Variants in ADK observed in about 807,000 individuals in gnomAD.
ADK encodes N6,N6-dimethyladenosine kinase.
Under a neutral mutation model 44.7 loss-of-function variants are expected in ADK, and 24 were observed. The observed-to-expected ratio is 0.54, with a 90% CI of 0.39 to 0.76. The LOEUF (loss-of-function observed/expected upper bound fraction) is 0.76. Ranked by LOEUF, ADK falls within the 30% of genes least tolerant of loss-of-function variation. The pLI is 0.00. For missense variants in ADK, 321 were observed against 425.1 expected, an observed-to-expected ratio of 0.76 and a Z score of 2.15; for synonymous variants, 128 against 142.6, an observed-to-expected ratio of 0.90 and a Z score of 0.73.
At chr10:74,681,849 CAAAAAAAA>C (rs34381749) in intron 10 of ADK, among the ~76,000 whole-genome samples, 1 of 93,156 alleles carries the variant, frequency 1.1e-5, no homozygotes, top group Non-Finnish European at 2.0e-5. Flanking sequence ...GACTCCATCT[CAAAAAAAA>C]AAAAAAAAAA....
At chr10:74,403,238 T>G (rs1013010711) in intron 6 of ADK, among the ~76,000 whole-genome samples, 3 of 152,062 alleles carry the variant, frequency 2.0e-5, no homozygotes, top group African/African-American at 7.2e-5. Flanking sequence ...ATCTCAAACT[T>G]TGTGCTGGGA....
At chr10:74,200,534 T>C (rs1184880379) in intron 1 of ADK, among the ~76,000 whole-genome samples, 1 of 151,714 alleles carries the variant, frequency 6.6e-6, no homozygotes, top group African/African-American at 2.4e-5. Flanking sequence ...AGATGGTGTC[T>C]CATTGTAGTT....
chr10:74,188,639 A>G (rs1359429126), intron 1 of ADK, among the ~76,000 whole-genome samples: 1 of 151,876 alleles, frequency 6.6e-6, no homozygotes, highest in Non-Finnish European at 1.5e-5. Context: ...GGCATGAGCC[A>G]CTGCGCCCGG....
At chr10:74,251,926 C>T (rs1430340241) in intron 3 of ADK, among the ~76,000 whole-genome samples, 1 of 125,502 alleles carries the variant, frequency 8.0e-6, no homozygotes, top group African/African-American at 3.1e-5. Flanking sequence ...TGTCGACTCA[C>T]CTCTTTACCG....
chr10:74,349,191 G>T (rs1431023907), intron 4 of ADK, among the ~76,000 whole-genome samples: 1 of 152,176 alleles, frequency 6.6e-6, no homozygotes, highest in East Asian at 1.9e-4. Context: ...ACAAAAGGAA[G>T]CCCATCAGAC....
intron 3 of ADK, among the ~76,000 whole-genome samples, chr10:74,303,883 C>T (rs907332718): frequency 6.6e-6 from 1 of 151,000 alleles, no homozygotes; most frequent in Non-Finnish European, 1.5e-5. Flanking sequence ...GCAGGAGAAT[C>T]GCTTGAACCC....
At chr10:74,521,919 T>C (rs1848851835) in intron 6 of ADK, among the ~76,000 whole-genome samples, 1 of 152,186 alleles carries the variant, frequency 6.6e-6, no homozygotes, top group Non-Finnish European at 1.5e-5. Flanking sequence ...TTTTAAATGA[T>C]GAGAAATATT....
chr10:74,469,872 G>A (rs553093651), intron 6 of ADK, among the ~76,000 whole-genome samples: 1 of 152,040 alleles, frequency 6.6e-6, no homozygotes, highest in African/African-American at 2.4e-5. Context: ...CATGTAAGTA[G>A]GATCATGGTT....
chr10:74,312,914 CAAAAAAAA>C (rs56052959), intron 3 of ADK, among the ~76,000 whole-genome samples: 12 of 37,832 alleles, frequency 3.2e-4, no homozygotes, highest in South Asian at 1.8e-3. Context: ...ATTCTGTCTC[CAAAAAAAA>C]AAAAAAAAAA....
intron 4 of ADK, among the ~76,000 whole-genome samples, chr10:74,318,609 C>T (rs1358272264): frequency 1.3e-5 from 2 of 152,162 alleles, no homozygotes; most frequent in African/African-American, 2.4e-5. Context: ...ATCAGAAATT[C>T]AAATTCAGGT....
Position 74,708,536 on chromosome 10 carries a change from G to A in ADK, c.*91G>A. 6.2e-6 allele frequency: 9 copies of A among 1,445,042 alleles called. No homozygotes were observed. Among genetic ancestry groups the A allele is most frequent in the Non-Finnish European group, 8.5e-6 (9 of 1,063,036 alleles). 89.5% of individuals were successfully genotyped at this position (1,445,042 alleles called of 1,614,324 possible). On this transcript the variant is annotated 3_prime_UTR_variant, in exon 11 of 11. Coordinates refer to ENST00000539909, the MANE Select transcript of ADK (RefSeq NM_006721.4). ...ATATTAATAAAGAAGAAAATTATCT[G>A]CCATTTTTTCCTACTATAATAATGC...
chr10:74,363,832 G>T lies in ADK; in HGVS notation c.274-30309G>T, dbSNP rs567914901. 1.9e-4 allele frequency among the ~76,000 whole-genome samples: 29 copies of T among 152,048 alleles called. 1 individual carries two copies. Among genetic ancestry groups the T allele is most frequent in the African/African-American group, 7.0e-4 (29 of 41,476 alleles). On this transcript the variant is annotated intron_variant, in intron 4 of 10. Transcript: ENST00000539909. ...AATGGACCACCTGAGGATCTGCTGT[G>T]GGATGGAGGTTGGCGTGCCTGTCTC...
intron 4 of ADK, among the ~76,000 whole-genome samples, chr10:74,391,920 C>T (rs1158084710): frequency 6.6e-6 from 1 of 152,144 alleles, no homozygotes. Flanking sequence ...TTGACTACTT[C>T]AGATACTTCC....
At chr10:74,557,249 A>G (rs1850287359) in intron 7 of ADK, among the ~76,000 whole-genome samples, 1 of 152,204 alleles carries the variant, frequency 6.6e-6, no homozygotes, top group Non-Finnish European at 1.5e-5. Context: ...CTAAAAAGGC[A>G]TATATATTTG....
intron 2 of ADK, among the ~76,000 whole-genome samples, chr10:74,204,049 C>T (rs1280967791): frequency 1.3e-5 from 2 of 150,096 alleles, no homozygotes; most frequent in Admixed American, 6.7e-5. Context: ...CTCCATTTCC[C>T]GGGTTGAAGC....
intron 6 of ADK, among the ~76,000 whole-genome samples, chr10:74,474,262 C>T (rs1206684594): frequency 6.6e-6 from 1 of 151,986 alleles, no homozygotes; most frequent in East Asian, 1.9e-4. Flanking sequence ...TGCCACCACG[C>T]CCAATTAACT....
intron 9 of ADK, among the ~76,000 whole-genome samples, chr10:74,621,919 T>G (rs539560202): frequency 6.6e-6 from 1 of 152,148 alleles, no homozygotes; most frequent in Non-Finnish European, 1.5e-5. Context: ...TCAGCTGAAA[T>G]CCTGGTGTTT....
At chr10:74,447,580 C>G (rs1450914487) in intron 6 of ADK, among the ~76,000 whole-genome samples, 1 of 152,164 alleles carries the variant, frequency 6.6e-6, no homozygotes. Context: ...GTGTCATACT[C>G]TGATCCCCTT....
intron 3 of ADK, among the ~76,000 whole-genome samples, chr10:74,273,003 T>C (rs1846496420): frequency 6.6e-6 from 1 of 152,074 alleles, no homozygotes; most frequent in South Asian, 2.1e-4. Context: ...AAAGGGTGAA[T>C]AATAAGAGAT....
Sources: allele counts gnomAD v4.1 joint callset (sites outside exome capture counted in the v4.1 genomes callset), GRCh38; gene constraint gnomAD v4.1.1; transcripts MANE v1.5; gene names NCBI Gene and HGNC (gene_info 2026-07-23, HGNC 2026-07-21).